Variants in NPAS3 observed in about 807,000 individuals in gnomAD.
NPAS3 encodes the protein neuronal PAS domain protein 3, also known as neuronal PAS domain-containing protein 3.
In NPAS3, 14 loss-of-function variants were observed where a neutral mutation model predicts 73.1. That is an observed-to-expected ratio of 0.19 (90% CI 0.13 to 0.30). The LOEUF (loss-of-function observed/expected upper bound fraction) is 0.30, where lower values mean the gene tolerates loss of function less well. NPAS3 is among the 10% of genes least tolerant of loss of function. The pLI is 1.00. For missense variants in NPAS3, 1,096 were observed against 1,250.0 expected (o/e 0.88, Z 1.86); for synonymous variants, 620 against 541.5 (o/e 1.14, Z -2.01).
rs557060533 is a variant in NPAS3 at position 33,429,578 on chromosome 14, G to A, written c.468+62310G>A. Among the ~76,000 whole-genome samples, 5 of 152,228 alleles carry A rather than the reference G, an allele frequency of 3.3e-5. No individual in the cohort carries two copies. The South Asian group carries it at 1.0e-3, about 32-fold the overall frequency. On this transcript the variant is annotated intron_variant, in intron 4 of 11. Coordinates refer to ENST00000356141, the Ensembl canonical transcript of NPAS3. ...CCATTAATGAAAAAGCAATTTACAA[G>A]GTACTTCCTTTTGACCATGAGTGAG...
chr14:33,750,840 T>G (rs2061943075), intron 7 of NPAS3, among the ~76,000 whole-genome samples: 1 of 152,144 alleles, frequency 6.6e-6, no homozygotes, highest in Non-Finnish European at 1.5e-5. Flanking sequence ...ATGTGATATG[T>G]GCTATAATAG....
intron 4 of NPAS3, among the ~76,000 whole-genome samples, chr14:33,422,677 A>C (rs1176602861): frequency 6.6e-6 from 1 of 151,958 alleles, no homozygotes. Flanking sequence ...AAGAGTAGAC[A>C]CTCAAAATAT....
chr14:33,706,218 G>A (rs1298326381), intron 6 of NPAS3, among the ~76,000 whole-genome samples: 3 of 152,210 alleles, frequency 2.0e-5, no homozygotes, highest in Non-Finnish European at 4.4e-5. Context: ...GGGGGTTTCT[G>A]TATGTAAGCA....
intron 1 of NPAS3, among the ~76,000 whole-genome samples, chr14:32,977,381 C>CACACACACA (rs1595137009): frequency 6.7e-6 from 1 of 148,540 alleles, no homozygotes. Context: ...CACACACACA[C>CACACACACA]CCCTAATCTA....
intron 3 of NPAS3, among the ~76,000 whole-genome samples, chr14:33,232,048 A>G (rs1159779585): frequency 1.3e-5 from 2 of 152,226 alleles, no homozygotes; most frequent in African/African-American, 4.8e-5. Flanking sequence ...ATCAACCATT[A>G]GGTAATGATT....
chr14:33,461,203 T>C lies in NPAS3; in HGVS notation c.468+93935T>C, dbSNP rs2050248712. ...CATGGAATAATCTCAAGTTGTCTTA[T>C]GATCTTTTCCCTTGCCTTTAGGAAT... On this transcript the variant is annotated intron_variant, in intron 4 of 11. Transcript: ENST00000356141. Among the ~76,000 whole-genome samples, 4 of 152,380 alleles carry C rather than the reference T, an allele frequency of 2.6e-5. No individual in the cohort carries two copies. The South Asian group carries it at 8.3e-4, about 32-fold the overall frequency.
intron 3 of NPAS3, among the ~76,000 whole-genome samples, chr14:33,243,823 G>T (rs1371206962): frequency 6.6e-6 from 1 of 151,536 alleles, no homozygotes; most frequent in African/African-American, 2.4e-5. Context: ...CTTCCCAGGA[G>T]AAATGGAAGG....
intron 4 of NPAS3, among the ~76,000 whole-genome samples, chr14:33,423,204 T>C (rs77208172): frequency 6.6e-6 from 1 of 152,026 alleles, no homozygotes; most frequent in African/African-American, 2.4e-5. Context: ...CACACCTATG[T>C]AGCCAGAGAT....
intron 2 of NPAS3, among the ~76,000 whole-genome samples, chr14:33,104,002 C>T (rs1171666358): frequency 6.6e-6 from 1 of 152,030 alleles, no homozygotes; most frequent in African/African-American, 2.4e-5. Context: ...AAAGAGCTCA[C>T]GTTTACCCCT....
chr14:32,997,785 G>A (rs969024496), intron 1 of NPAS3, among the ~76,000 whole-genome samples: 1 of 149,502 alleles, frequency 6.7e-6, no homozygotes, highest in Non-Finnish European at 1.5e-5. Context: ...AAAAAGATGT[G>A]ACTTGCTCCT....
At chr14:33,478,170 G>A (rs75702671) in intron 4 of NPAS3, among the ~76,000 whole-genome samples, 141 of 152,224 alleles carry the variant, frequency 9.3e-4, no homozygotes, top group African/African-American at 3.2e-3. Flanking sequence ...GCAGTGTTAC[G>A]GTGAACTGGG....
intron 2 of NPAS3, among the ~76,000 whole-genome samples, chr14:33,151,781 T>G (rs2044453469): frequency 6.6e-6 from 1 of 152,126 alleles, no homozygotes; most frequent in South Asian, 2.1e-4. Flanking sequence ...ATTATTTAAT[T>G]TTATACATTG....
intron 3 of NPAS3, among the ~76,000 whole-genome samples, chr14:33,287,150 A>T (rs896571897): frequency 5.3e-5 from 8 of 152,332 alleles, no homozygotes; most frequent in Non-Finnish European, 1.0e-4. Flanking sequence ...GGAGAAAAAA[A>T]GTGATGTGAA....
At chr14:33,636,923 A>G (rs2058537365) in intron 5 of NPAS3, among the ~76,000 whole-genome samples, 1 of 152,128 alleles carries the variant, frequency 6.6e-6, no homozygotes, top group South Asian at 2.1e-4. Flanking sequence ...ACACACACAC[A>G]CACAGAGTAA....
chr14:33,801,247 C>A, downstream of NPAS3: 4 of 1,442,316 alleles, frequency 2.8e-6, no homozygotes, highest in Non-Finnish European at 3.7e-6. Context: ...CCATTCCACC[C>A]CCTCTTTCTT....
intron 4 of NPAS3, among the ~76,000 whole-genome samples, chr14:33,431,558 C>T (rs1345685228): frequency 2.6e-5 from 4 of 152,242 alleles, no homozygotes; most frequent in African/African-American, 7.2e-5. Context: ...CAAAATCCAT[C>T]TTAGTGATTA....
chr14:33,508,911 G>A (rs1595054636), intron 4 of NPAS3, among the ~76,000 whole-genome samples: 1 of 152,008 alleles, frequency 6.6e-6, no homozygotes, highest in African/African-American at 2.4e-5. Context: ...GCCCATGGGA[G>A]CCCTTAGCTG....
intron 3 of NPAS3, among the ~76,000 whole-genome samples, chr14:33,305,256 C>A (rs2042710846): frequency 6.6e-6 from 1 of 151,872 alleles, no homozygotes; most frequent in African/African-American, 2.4e-5. Flanking sequence ...TTTAAATAGT[C>A]ATTTTGCTTC....
intron 3 of NPAS3, 49 bp from the exon 4 acceptor site, chr14:33,367,137 A>T (rs1419654942): frequency 1.3e-6 from 1 of 782,684 alleles, no homozygotes; most frequent in Non-Finnish European, 2.2e-6. Context: ...GATATGAATC[A>T]GAGCTCCAAC....
Sources: gnomAD v4.1 joint callset for allele counts (sites outside exome capture counted in the v4.1 genomes callset) on GRCh38, gnomAD v4.1.1 for gene constraint, MANE v1.5 for transcripts, NCBI Gene and HGNC (gene_info 2026-07-23, HGNC 2026-07-21) for gene names.